Variants in ASTN1 observed in about 807,000 individuals in gnomAD.
ASTN1 encodes the protein astrotactin 1.
ASTN1 carries 41 observed loss-of-function variants against 140.7 expected under a neutral mutation model. The ratio of observed to expected loss-of-function variants is 0.29; its 90% confidence interval spans 0.23 to 0.38. The LOEUF (loss-of-function observed/expected upper bound fraction) is 0.38, where lower values mean the gene tolerates loss of function less well. ASTN1 is among the 10% of genes least tolerant of loss of function. ASTN1 has a pLI of 1.00. For synonymous variants in ASTN1, 640 were observed against 652.2 expected (o/e 0.98, Z 0.29); for missense variants, 1,479 against 1,678.8 (o/e 0.88, Z 2.08).
intron 1 of ASTN1, among the ~76,000 whole-genome samples, chr1:177,143,475 C>G (rs1682564078): frequency 6.6e-6 from 1 of 152,156 alleles, no homozygotes; most frequent in African/African-American, 2.4e-5. Context: ...TAAAGACCAT[C>G]TTGGGAAGCC....
At chr1:177,026,418 A>T (rs890235195) in intron 5 of ASTN1, among the ~76,000 whole-genome samples, 1 of 151,986 alleles carries the variant, frequency 6.6e-6, no homozygotes, top group Non-Finnish European at 1.5e-5. Context: ...TGGTTGCTCA[A>T]ATTTAAAAAC....
intron 9 of ASTN1, among the ~76,000 whole-genome samples, chr1:176,964,367 C>T (rs759252001): frequency 7.9e-5 from 12 of 152,140 alleles, no homozygotes; most frequent in African/African-American, 1.2e-4. Flanking sequence ...CATGTATTCA[C>T]GCCCATACTG....
At chr1:176,980,760 C>A (rs1673575553) in intron 8 of ASTN1, among the ~76,000 whole-genome samples, 1 of 152,058 alleles carries the variant, frequency 6.6e-6, no homozygotes, top group Non-Finnish European at 1.5e-5. Flanking sequence ...CTTTTAGGAA[C>A]ATGACAGCCT....
Position 176,883,028 on chromosome 1 carries a change from G to C in ASTN1, c.3227-34C>G, listed in dbSNP as rs181253422. On this transcript the variant is annotated intron_variant, in intron 19 of 22. Transcript: ENST00000361833. ...AGGAGAAGGAATGGAAAAAGCATGA[G>C]AAACAATGACGGCCAAGCAATGAGG... is the stretch of plus-strand genomic sequence containing the variant. The C allele has an allele frequency of 1.7e-3, 2,739 of 1,612,834 alleles. 3 individuals carry two copies. The highest frequency in any genetic ancestry group is 3.4e-3 in the Middle Eastern group (20 of 5,826).
At position 176,935,833 on chromosome 1, in the gene ASTN1, G is replaced by A. The variant is rs990750838; in HGVS notation, c.2482+433C>T. On this transcript the variant is annotated intron_variant, in intron 15 of 22. Coordinates refer to ENST00000361833, the MANE Select transcript of ASTN1 (RefSeq NM_004319.3). ...TTTCACTCACTTGCTGTTTAGGAGC[G>A]TTAAGCTGCTTTCTGGTTTTCCGTC... is the stretch of plus-strand genomic sequence containing the variant. Among the ~76,000 whole-genome samples, 11 of 151,258 alleles carry A rather than the reference G, an allele frequency of 7.3e-5. 1 individual carries two copies. In the East Asian group the frequency reaches 1.4e-3, roughly 19 times the overall value.
chr1:177,117,531 T>C (rs1463857342), intron 1 of ASTN1, among the ~76,000 whole-genome samples: 1 of 152,156 alleles, frequency 6.6e-6, no homozygotes, highest in Admixed American at 6.5e-5. Context: ...GGAACTTAAG[T>C]TCTGCTGGGA....
intron 7 of ASTN1, among the ~76,000 whole-genome samples, chr1:177,018,199 A>G (rs1441142007): frequency 6.6e-6 from 1 of 152,178 alleles, no homozygotes; most frequent in Non-Finnish European, 1.5e-5. Context: ...AGGGAGTCAG[A>G]GGGAAGTGTG....
chr1:176,974,978 A>G (rs1175625733), intron 8 of ASTN1, among the ~76,000 whole-genome samples: 1 of 152,218 alleles, frequency 6.6e-6, no homozygotes, highest in African/African-American at 2.4e-5. Flanking sequence ...CTTGACTCCC[A>G]GCACCTGTCT....
Position 177,073,620 on chromosome 1 carries a change from C to T in ASTN1, c.284-12355G>A, listed in dbSNP as rs530348400. 1.7e-3 allele frequency among the ~76,000 whole-genome samples: 252 copies of T among 148,618 alleles called. 1 individual carries two copies. Among genetic ancestry groups the T allele is most frequent in the African/African-American group, 6.0e-3 (241 of 39,968 alleles). On this transcript the variant is annotated intron_variant, in intron 1 of 22. Coordinates refer to ENST00000361833, the MANE Select transcript of ASTN1 (RefSeq NM_004319.3). ...TTTATTCTACCTTCATAGAACCACACCTACTTCCTACTGATTATTACACTT... is the reference window on the plus strand; with the variant it reads ...TTTATTCTACCTTCATAGAACCACATCTACTTCCTACTGATTATTACACTT...
intron 1 of ASTN1, among the ~76,000 whole-genome samples, chr1:177,102,369 C>G (rs943752313): frequency 6.6e-6 from 1 of 152,188 alleles, no homozygotes; most frequent in African/African-American, 2.4e-5. Flanking sequence ...GCAGGTTATA[C>G]TGCTAGTAAG....
rs1668022046 is a variant in ASTN1, at chr1:176,863,170, A to G, written c.*1114T>C. The G allele has an allele frequency of 1.0e-6, 1 of 985,800 alleles. No homozygotes were observed. Among genetic ancestry groups the G allele is most frequent in the African/African-American group, 1.7e-5 (1 of 57,252 alleles). The allele number at this position is 985,800 out of a possible 1,614,324, so 61.1% of individuals were successfully genotyped here. A position where few individuals can be genotyped will look rare whatever the true frequency, so the allele number is the denominator to read the frequency against. On this transcript the variant is annotated 3_prime_UTR_variant, in exon 23 of 23. Coordinates refer to ENST00000361833, the MANE Select transcript of ASTN1 (RefSeq NM_004319.3). Reference sequence around the variant, plus strand: ...CCCTGTGACTGGATGGGCAGTGACCATGGTGGAATCCTCCTGCTTATGGTC... The same window carrying G: ...CCCTGTGACTGGATGGGCAGTGACCGTGGTGGAATCCTCCTGCTTATGGTC...
At chr1:176,888,969 A>G (rs982301665) in intron 17 of ASTN1, among the ~76,000 whole-genome samples, 1 of 152,252 alleles carries the variant, frequency 6.6e-6, no homozygotes, top group Non-Finnish European at 1.5e-5. Flanking sequence ...TAATGTATGC[A>G]TAGTACCTGG....
At chr1:177,029,538 A>G in intron 5 of ASTN1, 96 bp downstream of exon 5, 1 of 1,287,122 alleles carries the variant, frequency 7.8e-7, no homozygotes, top group Non-Finnish European at 1.1e-6. Flanking sequence ...GTTTTGTTCC[A>G]TAGAGCCCAC....
intron 16 of ASTN1, among the ~76,000 whole-genome samples, chr1:176,902,506 C>T (rs898168381): frequency 1.1e-4 from 16 of 152,184 alleles, no homozygotes; most frequent in South Asian, 4.1e-4. Context: ...TTGAGGTTCC[C>T]GGCTAATTAG....
chr1:176,936,214 G>T (rs770068073), intron 15 of ASTN1, 52 bp downstream of exon 15: 1 of 1,514,002 alleles, frequency 6.6e-7, no homozygotes, highest in Non-Finnish European at 9.2e-7. Context: ...CCCTTGGAAA[G>T]GACTTCTAAG....
At chr1:177,100,966 G>GC (rs1477160764) in intron 1 of ASTN1, among the ~76,000 whole-genome samples, 1 of 152,132 alleles carries the variant, frequency 6.6e-6, no homozygotes, top group Non-Finnish European at 1.5e-5. Flanking sequence ...AGTGGCGGAT[G>GC]CCTGTAATCC....
chr1:177,109,114 G>C (rs191180489), intron 1 of ASTN1, among the ~76,000 whole-genome samples: 28 of 152,228 alleles, frequency 1.8e-4, no homozygotes, highest in Admixed American at 1.7e-3. Context: ...TATATACAAG[G>C]ATGTCAGTCC....
chr1:177,127,138 TA>T (rs139718675), intron 1 of ASTN1, among the ~76,000 whole-genome samples: 32,382 of 150,770 alleles, frequency 0.21, 5,213 homozygotes, highest in African/African-American at 0.47. Flanking sequence ...AATGAAGTTT[TA>T]TTTTTTTTTA....
chr1:177,037,142 C>A (rs1174937143), intron 2 of ASTN1, among the ~76,000 whole-genome samples: 1 of 152,100 alleles, frequency 6.6e-6, no homozygotes, highest in Non-Finnish European at 1.5e-5. Context: ...TTTAATCTTA[C>A]TACTTTTGCA....
Sources: allele counts gnomAD v4.1 joint callset (sites outside exome capture counted in the v4.1 genomes callset), GRCh38; gene constraint gnomAD v4.1.1; transcripts MANE v1.5; gene names NCBI Gene and HGNC (gene_info 2026-07-23, HGNC 2026-07-21).